The following EDARADD variants were observed in gnomAD, a reference collection of about 807,000 sequenced individuals.
EDARADD encodes ectodysplasin-A receptor-associated adapter protein.
In EDARADD, 20 loss-of-function variants were observed where a neutral mutation model predicts 25.6. That is an observed-to-expected ratio of 0.78 (90% confidence interval 0.55 to 1.14). The LOEUF (loss-of-function observed/expected upper bound fraction) is 1.14. EDARADD is among the 50% of genes most tolerant of loss of function. EDARADD has a pLI of 0.00. For missense variants in EDARADD, 225 were observed against 270.1 expected (o/e 0.83, Z 1.17); for synonymous variants, 86 against 94.4 (o/e 0.91, Z 0.52).
chr1:236,428,124 C>G (rs1195555665), intron 4 of EDARADD, among the ~76,000 whole-genome samples: 2 of 151,870 alleles, frequency 1.3e-5, no homozygotes, highest in Non-Finnish European at 2.9e-5. Context: ...CTGCCGCCTT[C>G]TGCAGTGTTT....
chr1:236,384,340 C>T (rs970854052), intron 3 of EDARADD, among the ~76,000 whole-genome samples: 6 of 152,174 alleles, frequency 3.9e-5, no homozygotes, highest in African/African-American at 9.7e-5. Context: ...ATTTGCCGAT[C>T]GGTTAACTCA....
chr1:236,441,947 T>C (rs1342906175), intron 4 of EDARADD, among the ~76,000 whole-genome samples: 1 of 152,150 alleles, frequency 6.6e-6, no homozygotes, highest in Admixed American at 6.6e-5. Context: ...GTCATCTCCG[T>C]AACATAAAAG....
At chr1:236,421,379 G>A (rs1233866303) in intron 3 of EDARADD, among the ~76,000 whole-genome samples, 2 of 145,728 alleles carry the variant, frequency 1.4e-5, no homozygotes, top group South Asian at 2.4e-4. Context: ...AGAGAACAAG[G>A]ACTGTGCGTG....
At chr1:236,461,511 G>A (rs1443632626) in intron 4 of EDARADD, among the ~76,000 whole-genome samples, 1 of 152,190 alleles carries the variant, frequency 6.6e-6, no homozygotes, top group Non-Finnish European at 1.5e-5. Flanking sequence ...TGGTCTAAGT[G>A]TTTGGTTTTA....
At chr1:236,481,632 A>T (rs1194375072) in intron 5 of EDARADD, among the ~76,000 whole-genome samples, 2 of 150,870 alleles carry the variant, frequency 1.3e-5, no homozygotes, top group East Asian at 3.9e-4. Context: ...AGAAAAGATT[A>T]GCCAGGTTTG....
Position 236,483,231 on chromosome 1 carries a change from G to C in EDARADD, c.*582G>C. ...TCGTGGGAATCCCACTGTTGAGGTT[G>C]ATCTCTTCACCTCAGAAGGTCTCTT... is the stretch of plus-strand genomic sequence containing the variant. On this transcript the variant is annotated 3_prime_UTR_variant, in exon 6 of 6. Coordinates refer to ENST00000334232, the MANE Select transcript of EDARADD (RefSeq NM_145861.4). 6.3e-7 allele frequency: 1 copy of C among 1,590,408 alleles called. No homozygotes were observed. Among genetic ancestry groups the C allele is most frequent in the Admixed American group, 1.7e-5 (1 of 59,778 alleles).
Position 236,484,363 on chromosome 1 carries a change from G to T in EDARADD, c.*1714G>T. 1 of 1,553,536 alleles carries T rather than the reference G, an allele frequency of 6.4e-7. No individual in the cohort carries two copies. Among genetic ancestry groups the T allele is most frequent in the Non-Finnish European group, 8.9e-7 (1 of 1,125,618 alleles). On this transcript the variant is annotated 3_prime_UTR_variant, in exon 6 of 6. Transcript: ENST00000334232. This position sits in a 1 kb window ranked among gnomAD's most constrained non-coding sequence, Gnocchi z 4.1. ...CAGCTCAAGACTGGTGCCCCTTGCTGATCTGAGCGCTTGGCCAAGTACAAC... is the reference window on the plus strand; with the variant it reads ...CAGCTCAAGACTGGTGCCCCTTGCTTATCTGAGCGCTTGGCCAAGTACAAC...
chr1:236,405,925 C>CTTTCTTTCTTTCTTTCTTTCTTTCTT (rs5781879), intron 1 of EDARADD, among the ~76,000 whole-genome samples: 17 of 46,444 alleles, frequency 3.7e-4, no homozygotes, highest in South Asian at 2.2e-3. Flanking sequence ...TTCTTTCTTT[C>CTTTCTTTCTTTCTTTCTTTCTTTCTT]TCTTTCCTTT....
chr1:236,393,789 T>G (rs1667464847), upstream of EDARADD, among the ~76,000 whole-genome samples: 3 of 152,236 alleles, frequency 2.0e-5, no homozygotes, highest in Admixed American at 6.5e-5. Context: ...ATTGATTGTA[T>G]GGGAACTCTG....
intron 3 of EDARADD, among the ~76,000 whole-genome samples, chr1:236,362,174 C>T (rs143757101): frequency 6.6e-6 from 1 of 152,272 alleles, no homozygotes; most frequent in Admixed American, 6.5e-5. Context: ...CTCCTGGGCT[C>T]AGTGATGCTC....
intron 3 of EDARADD, among the ~76,000 whole-genome samples, chr1:236,417,651 T>C (rs1327335706): frequency 6.6e-6 from 1 of 151,996 alleles, no homozygotes; most frequent in African/African-American, 2.4e-5. Context: ...ACTGGTGAGA[T>C]TGAGGTTTAT....
At chr1:236,466,451 ACACACACACT>A (rs1285903038) in intron 4 of EDARADD, among the ~76,000 whole-genome samples, 2 of 151,852 alleles carry the variant, frequency 1.3e-5, no homozygotes, top group East Asian at 3.9e-4. Context: ...ACACACACAC[ACACACACACT>A]CACACTCACA....
intron 5 of EDARADD, among the ~76,000 whole-genome samples, chr1:236,475,403 T>C (rs1181728062): frequency 1.3e-5 from 2 of 152,224 alleles, no homozygotes; most frequent in Non-Finnish European, 2.9e-5. Context: ...AAGGCAACTA[T>C]AGATTCACTT....
At chr1:236,393,417 A>G (rs1667457247), upstream of EDARADD, among the ~76,000 whole-genome samples, 1 of 10,366 alleles carries the variant, frequency 9.6e-5, no homozygotes, top group Non-Finnish European at 2.2e-4. Context: ...TTTTTTTGAG[A>G]CAGAGTCTCA....
intron 3 of EDARADD, among the ~76,000 whole-genome samples, chr1:236,364,768 A>G (rs1167893245): frequency 6.6e-6 from 1 of 152,184 alleles, no homozygotes; most frequent in Non-Finnish European, 1.5e-5. Context: ...AAACTCACTT[A>G]TTAGTTCTAA....
chr1:236,415,826 G>C (rs1261948194), intron 3 of EDARADD, among the ~76,000 whole-genome samples: 1 of 152,028 alleles, frequency 6.6e-6, no homozygotes, highest in Non-Finnish European at 1.5e-5. Context: ...ACAATCCAGA[G>C]ATGAGGGGTG....
chr1:236,469,346 C>T (rs1295896878), intron 5 of EDARADD, among the ~76,000 whole-genome samples: 1 of 152,024 alleles, frequency 6.6e-6, no homozygotes, highest in African/African-American at 2.4e-5. Context: ...TGGTGATGGG[C>T]ACCTATAATC....
chr1:236,427,568 C>T, intron 4 of EDARADD, 118 bp downstream of exon 4: 1 of 998,032 alleles, frequency 1.0e-6, no homozygotes. Context: ...AGATCATAAA[C>T]AGGGTTTGCA....
intron 3 of EDARADD, among the ~76,000 whole-genome samples, chr1:236,356,373 T>C (rs910102045): frequency 6.6e-6 from 1 of 152,152 alleles, no homozygotes; most frequent in Non-Finnish European, 1.5e-5. Flanking sequence ...GACAGCCCTT[T>C]ATGCCATTTT....
Sources: allele counts gnomAD v4.1 joint callset (sites outside exome capture counted in the v4.1 genomes callset), GRCh38; gene constraint gnomAD v4.1.1; non-coding constraint Gnocchi (gnomAD v3.1); transcripts MANE v1.5; gene names NCBI Gene and HGNC (gene_info 2026-07-23, HGNC 2026-07-21).